The following GALNT13 variants were observed in gnomAD, a reference collection of about 807,000 sequenced individuals.
The protein encoded by GALNT13 is polypeptide N-acetylgalactosaminyltransferase 13.
Under a neutral mutation model 64.2 loss-of-function variants are expected in GALNT13, and 28 were observed. The observed-to-expected ratio is 0.44, with a 90% CI of 0.32 to 0.60. The LOEUF (loss-of-function observed/expected upper bound fraction) is 0.60. GALNT13 is among the 20% of genes least tolerant of loss of function. The probability of loss-of-function intolerance (pLI) is 0.05; values close to 1 mark genes in which losing one functional copy is unlikely to be tolerated. For missense variants in GALNT13, 577 were observed against 669.8 expected, an observed-to-expected ratio of 0.86 and a Z score of 1.53; for synonymous variants, 214 against 224.6, an observed-to-expected ratio of 0.95 and a Z score of 0.42.
the GALNT13 span, among the ~76,000 whole-genome samples, chr2:153,468,437 A>G: frequency 6.6e-6 from 1 of 152,094 alleles, no homozygotes; most frequent in Admixed American, 6.6e-5. Context: ...ACCACTACTG[A>G]GGCACACCAT....
At chr2:153,552,458 C>A in the GALNT13 span, among the ~76,000 whole-genome samples, 1 of 151,954 alleles carries the variant, frequency 6.6e-6, no homozygotes, top group Non-Finnish European at 1.5e-5. Flanking sequence ...TAGAGAGTAG[C>A]CCTGCTAATT....
At chr2:154,156,990 C>T (rs935482402) in intron 4 of GALNT13, among the ~76,000 whole-genome samples, 2 of 152,136 alleles carry the variant, frequency 1.3e-5, no homozygotes, top group Non-Finnish European at 2.9e-5. Context: ...AAGTTAAATA[C>T]TTAAATCACT....
chr2:153,714,382 T>G, the GALNT13 span, among the ~76,000 whole-genome samples: 1 of 152,214 alleles, frequency 6.6e-6, no homozygotes, highest in Non-Finnish European at 1.5e-5. Context: ...TATATGGGTA[T>G]CATGTTTTTG....
chr2:153,966,219 C>CTTTTTTTTTTTTTT (rs761961683), intron 3 of GALNT13, among the ~76,000 whole-genome samples: 7 of 120,114 alleles, frequency 5.8e-5, no homozygotes, highest in Non-Finnish European at 6.8e-5. Context: ...GGTTGGATTT[C>CTTTTTTTTTTTTTT]TTTTTTTTTT....
chr2:154,223,940 G>A (rs995688683), intron 4 of GALNT13, among the ~76,000 whole-genome samples: 1 of 152,058 alleles, frequency 6.6e-6, no homozygotes, highest in African/African-American at 2.4e-5. Context: ...GACATATGGA[G>A]ATTACTTTGA....
intron 3 of GALNT13, among the ~76,000 whole-genome samples, chr2:154,091,997 C>T (rs1239680270): frequency 6.7e-6 from 1 of 150,142 alleles, no homozygotes; most frequent in Non-Finnish European, 1.5e-5. Flanking sequence ...GGCAAAAGCC[C>T]CATCTGGCAA....
At chr2:154,378,797 CATAA>C (rs1485734241) in intron 9 of GALNT13, among the ~76,000 whole-genome samples, 1 of 151,794 alleles carries the variant, frequency 6.6e-6, no homozygotes, top group Non-Finnish European at 1.5e-5. Flanking sequence ...AATCGTACCC[CATAA>C]GTATTTACAA....
In GALNT13 at chr2:154,000,640, G is replaced by T. The variant is rs72866886; in HGVS notation, c.142+56001G>T. 4.7e-3 allele frequency among the ~76,000 whole-genome samples: 720 copies of T among 151,944 alleles called. 2 individuals carry two copies. The highest frequency in any genetic ancestry group is 0.01 in the Middle Eastern group (3 of 294). ...TTATTCCTGGTTTTATTCTACTGTCGTGAGAAAATATAATGGATATGATTT... is the reference window on the plus strand; with the variant it reads ...TTATTCCTGGTTTTATTCTACTGTCTTGAGAAAATATAATGGATATGATTT... On this transcript the variant is annotated intron_variant, in intron 3 of 12. Coordinates refer to ENST00000392825, the MANE Select transcript of GALNT13 (RefSeq NM_052917.4).
chr2:153,311,450 A>G, the GALNT13 span, among the ~76,000 whole-genome samples: 3 of 152,238 alleles, frequency 2.0e-5, no homozygotes, highest in Admixed American at 6.5e-5. Flanking sequence ...ACAGCTTAAA[A>G]CAACAAACGT....
chr2:153,447,834 AG>A, the GALNT13 span, among the ~76,000 whole-genome samples: 1 of 152,190 alleles, frequency 6.6e-6, no homozygotes, highest in African/African-American at 2.4e-5. Flanking sequence ...GGACTTTTAA[AG>A]GCTCTTGATA....
intron 4 of GALNT13, among the ~76,000 whole-genome samples, chr2:154,179,160 G>T (rs1161063756): frequency 1.3e-5 from 2 of 151,986 alleles, no homozygotes; most frequent in East Asian, 3.9e-4. Flanking sequence ...TCTACCCCAG[G>T]TATGTTAAGT....
the GALNT13 span, among the ~76,000 whole-genome samples, chr2:153,320,709 A>T: frequency 5.9e-5 from 9 of 152,218 alleles, no homozygotes; most frequent in South Asian, 2.1e-4. Flanking sequence ...AAGTGAGATG[A>T]TGACTGATGG....
chr2:153,831,163 ACTATGCTT>A, the GALNT13 span, among the ~76,000 whole-genome samples: 1 of 152,198 alleles, frequency 6.6e-6, no homozygotes, highest in Non-Finnish European at 1.5e-5. Context: ...AACTACTGTT[ACTATGCTT>A]GTTGACAAAC....
chr2:153,419,647 T>C, the GALNT13 span, among the ~76,000 whole-genome samples: 1 of 152,180 alleles, frequency 6.6e-6, no homozygotes, highest in Non-Finnish European at 1.5e-5. Flanking sequence ...TAAAGCTTCA[T>C]GGACCTAAAT....
Position 154,394,077 on chromosome 2 carries a change from C to CAAAAAAAA in GALNT13, c.1157-1894_1157-1887dup, listed in dbSNP as rs369267777. Among the ~76,000 whole-genome samples, 280 of 32,004 alleles carry CAAAAAAAA rather than the reference C, an allele frequency of 8.7e-3. 51 individuals are homozygous for CAAAAAAAA. The highest frequency in any genetic ancestry group is 0.024 in the East Asian group (19 of 800). 21.0% of individuals were successfully genotyped at this position (32,004 alleles called of 152,430 possible). On this transcript the variant is annotated intron_variant, in intron 9 of 12. Coordinates refer to ENST00000392825, the MANE Select transcript of GALNT13 (RefSeq NM_052917.4). ...TGGGCGACAGAGCGAGACTCCGTCT[C>CAAAAAAAA]AAAAAAAAAAAAAAAAAAAAAAAAA...
chr2:154,224,845 T>C (rs1219643772), intron 4 of GALNT13, among the ~76,000 whole-genome samples: 8 of 152,106 alleles, frequency 5.3e-5, no homozygotes, highest in African/African-American at 1.7e-4. Flanking sequence ...TCTCTGTCTG[T>C]GGTGATACTG....
chr2:153,719,522 G>T, the GALNT13 span, among the ~76,000 whole-genome samples: 1 of 152,184 alleles, frequency 6.6e-6, no homozygotes, highest in African/African-American at 2.4e-5. Flanking sequence ...CAGAAGACGG[G>T]TGATTTCTGC....
the GALNT13 span, among the ~76,000 whole-genome samples, chr2:153,147,304 T>C: frequency 6.6e-6 from 1 of 151,696 alleles, no homozygotes; most frequent in Non-Finnish European, 1.5e-5. Flanking sequence ...GAAACTTTTG[T>C]GCTCAGAGTG....
chr2:153,478,635 A>T, the GALNT13 span: 1 of 1,284,010 alleles, frequency 7.8e-7, no homozygotes, highest in South Asian at 1.5e-5. Flanking sequence ...CTGGAGGAAC[A>T]GGTGCCGGGC....
Sources: gnomAD v4.1 joint callset for allele counts (sites outside exome capture counted in the v4.1 genomes callset) on GRCh38, gnomAD v4.1.1 for gene constraint, MANE v1.5 for transcripts, NCBI Gene and HGNC (gene_info 2026-07-23, HGNC 2026-07-21) for gene names.